HMG20B: variants seen among roughly 807,000 people sequenced by gnomAD.
HMG20B encodes the protein SWI/SNF-related matrix-associated actin-dependent regulator of chromatin subfamily E member 1-related.
In HMG20B, 24 loss-of-function variants were observed where a neutral mutation model predicts 41.6. The ratio of observed to expected loss-of-function variants is 0.58; its 90% CI spans 0.42 to 0.81. The LOEUF (loss-of-function observed/expected upper bound fraction) is 0.81. Among genes scored for constraint, HMG20B ranks in the 30% least tolerant of loss-of-function variants. HMG20B has a pLI of 0.00. For missense variants in HMG20B, 461 were observed against 444.0 expected (o/e 1.04, Z -0.34); for synonymous variants, 251 against 186.6 (o/e 1.34, Z -2.81).
At chr19:3,573,629 G>C in intron 2 of HMG20B, 63 bp from the exon 3 acceptor site, 1 of 1,388,628 alleles carries the variant, frequency 7.2e-7, no homozygotes, top group Non-Finnish European at 9.5e-7. Context: ...AACGCCCTGG[G>C]GTGGGCTTTT....
intron 8 of HMG20B, among the ~76,000 whole-genome samples, chr19:3,577,600 ACCTCCCCACGCCCCCGTCACCCATC>A (rs2032199137): frequency 1.1e-4 from 2 of 17,930 alleles, no homozygotes; most frequent in African/African-American, 2.3e-4. Flanking sequence ...CATTCACCCC[ACCTCCCCACGCCCCCGTCACCCATC>A]CCTCCCCACG....
intron 9 of HMG20B, 157 bp from the exon 10 acceptor site, chr19:3,578,352 G>T: frequency 8.2e-7 from 1 of 1,222,084 alleles, no homozygotes; most frequent in East Asian, 2.6e-5. Context: ...TCTCAGGGTG[G>T]ATCCCAGCGC....
chr19:3,577,691 GC>G (rs1251409480), intron 8 of HMG20B, among the ~76,000 whole-genome samples: 2 of 95,148 alleles, frequency 2.1e-5, no homozygotes, highest in Admixed American at 2.4e-4. Flanking sequence ...CGCGACCCCA[GC>G]CCCCCGGTGT....
At position 3,578,803 on chromosome 19, in the gene HMG20B, C is replaced by CG; in HGVS notation, c.*282_*283insG. 1 of 712,288 alleles carries CG rather than the reference C, an allele frequency of 1.4e-6. No individual in the cohort carries two copies. The highest frequency in any genetic ancestry group is 1.8e-5 in the Admixed American group (1 of 54,490). The allele number at this position is 712,288 out of a possible 1,614,324, so 44.1% of individuals were successfully genotyped here. ...AGGACAGCCACGCGCTACACTGGCT[C>CG]TCCGGGCCACCCCCAGGACACAGGG... On this transcript the variant is annotated 3_prime_UTR_variant, in exon 10 of 10. Coordinates refer to ENST00000333651, the MANE Select transcript of HMG20B (RefSeq NM_006339.3).
rs893831474 is a variant in HMG20B at position 3,579,028 on chromosome 19, T to G, written c.*507T>G. ...GAGGGACCCTGGTGGGGGTGGCTCC[T>G]TCTCACTGCTGGATCCGGACTTTTT... is the stretch of plus-strand genomic sequence containing the variant. On this transcript the variant is annotated 3_prime_UTR_variant, in exon 10 of 10. Transcript: ENST00000333651. This position sits in a 1 kb window ranked among gnomAD's most constrained non-coding sequence, Gnocchi z 7.4. 1.2e-5 allele frequency: 4 copies of G among 346,440 alleles called. No homozygotes were observed. The highest frequency in any genetic ancestry group is 2.3e-5 in the Non-Finnish European group (4 of 174,096). The allele number at this position is 346,440 out of a possible 1,614,324, so 21.5% of individuals were successfully genotyped here.
In HMG20B at chr19:3,577,074, C is replaced by T. The variant is rs2032179329; in HGVS notation, c.775C>T (p.Leu259Phe). The T allele has an allele frequency of 1.3e-6, 2 of 1,541,420 alleles. No homozygotes were observed. Among genetic ancestry groups the T allele is most frequent in the Admixed American group, 2.0e-5 (1 of 50,844 alleles). Residue 259 changes from leucine to phenylalanine, a missense_variant, in exon 8 of 10, where the codon CTC becomes TTC. By Grantham distance (22) the Leu-to-Phe change is conservative. This residue lies in a region of HMG20B where 308 missense variants were observed against 283.4 expected (regional missense o/e 1.09). Transcript: ENST00000333651. ...GCAGCTCCAGGCCGTGCGCCAGGCG[C>T]TCACCGCCAGCTTCGCCTCACTGCC... is the stretch of plus-strand genomic sequence containing the variant. ...QQQLQAVRQA[L>F]TASFASLPVP...
rs570953515 is a variant in HMG20B, at chr19:3,574,246, C to T, written c.148-137C>T. 5.3e-5 allele frequency: 42 copies of T among 788,724 alleles called. No individual in the cohort carries two copies. In the African/African-American group the frequency reaches 6.2e-4, roughly 12 times the overall value. The allele number at this position is 788,724 out of a possible 1,614,324, so 48.9% of individuals were successfully genotyped here. Reference sequence around the variant, plus strand: ...CCGACTGCTGACCGGGCCCTACCTCCATCTTTTCCGGGTTCTTCCTCCCAG... The same window carrying T: ...CCGACTGCTGACCGGGCCCTACCTCTATCTTTTCCGGGTTCTTCCTCCCAG... On this transcript the variant is annotated intron_variant, in intron 3 of 9. Transcript: ENST00000333651.
At position 3,578,578 on chromosome 19, in the gene HMG20B, C is replaced by T; in HGVS notation, c.*57C>T. On this transcript the variant is annotated 3_prime_UTR_variant, in exon 10 of 10. Coordinates refer to ENST00000333651, the MANE Select transcript of HMG20B (RefSeq NM_006339.3). ...GCTGTGGGCGCGGCCCTGCCACACC[C>T]CACCCCGTGGACGAGAGGCTGGGGG... The T allele has an allele frequency of 6.4e-7, 1 of 1,551,538 alleles. No homozygotes were observed. Among genetic ancestry groups the T allele is most frequent in the Non-Finnish European group, 8.7e-7 (1 of 1,147,448 alleles).
Position 3,573,746 on chromosome 19 carries a change from G to T in HMG20B, c.93G>T (p.Lys31Asn). Residue 31 changes from lysine to asparagine, a missense_variant, in exon 3 of 10, where the codon AAG becomes AAT. Coordinates refer to ENST00000333651, the MANE Select transcript of HMG20B (RefSeq NM_006339.3). ...ATGGGGGCTTCGTGGTGACTGTCAA[G>T]CAAGAGCGCGGCGAGGGTCCACGCG... ...GQHGGFVVTV[K>N]QERGEGPRAG... is the part of the protein sequence containing the mutation. 1 of 1,548,102 alleles carries T rather than the reference G, an allele frequency of 6.5e-7. No individual in the cohort carries two copies. Among genetic ancestry groups the T allele is most frequent in the Non-Finnish European group, 8.7e-7 (1 of 1,151,558 alleles).
At position 3,578,043 on chromosome 19, in the gene HMG20B, A is replaced by G. The variant is rs1359242531; in HGVS notation, c.871A>G (p.Ile291Val). The G allele has an allele frequency of 5.6e-6, 9 of 1,610,176 alleles. No individual in the cohort carries two copies. The highest frequency in any genetic ancestry group is 7.6e-6 in the Non-Finnish European group (9 of 1,179,134). Residue 291 changes from isoleucine (I) to valine (V), a missense_variant, in exon 9 of 10, where the codon ATC becomes GTC. Physicochemically the swap from Ile to Val is conservative, Grantham distance 29. Coordinates refer to ENST00000333651, the MANE Select transcript of HMG20B (RefSeq NM_006339.3). ...CTACATGGCCCGGCTTCACGGAGCC[A>G]TCGAGCGCGACCCCGCCCAGCACGA... ...DFYMARLHGAIERDPAQHEKL... is the reference protein window; with the variant it reads ...DFYMARLHGAVERDPAQHEKL...
chr19:3,578,256 GC>G, intron 9 of HMG20B, 143 bp downstream of exon 9: 2 of 1,251,384 alleles, frequency 1.6e-6, no homozygotes, highest in Non-Finnish European at 2.2e-6. Flanking sequence ...ACCTGCGGTC[GC>G]CCCTGATGCA....
intron 5 of HMG20B, chr19:3,576,058 G>A (rs2032154834): frequency 4.9e-6 from 3 of 606,554 alleles, no homozygotes; most frequent in Non-Finnish European, 8.8e-6. Flanking sequence ...CCTCCGTGGG[G>A]CACAGTCCCG....
chr19:3,573,359 G>T lies in HMG20B; in HGVS notation c.38+12G>T. On this transcript the variant is annotated intron_variant, in intron 2 of 9. Transcript: ENST00000333651. ...GGCGCGGCCGCCGCGTGAGTGCACT[G>T]ATCCCCTCCCCACGCCCTCGCTACT... The T allele has an allele frequency of 6.5e-7, 1 of 1,529,022 alleles. No homozygotes were observed. 94.7% of individuals were successfully genotyped at this position (1,529,022 alleles called of 1,614,324 possible).
Position 3,573,008 on chromosome 19 carries a change from C to T in HMG20B, c.-19+14C>T. The T allele has an allele frequency of 2.7e-6, 1 of 376,396 alleles. No homozygotes were observed. The allele number at this position is 376,396 out of a possible 1,614,324, so 23.3% of individuals were successfully genotyped here. A position where few individuals can be genotyped will look rare whatever the true frequency, so the allele number is the denominator to read the frequency against. On this transcript the variant is annotated intron_variant, in intron 1 of 9. Transcript: ENST00000333651. ...GTTTCTTTGGAGGTGAAAACAGCCG[C>T]GGAACTCCGGGCCCTGAGAGGGGGC...
Position 3,576,961 on chromosome 19 carries a change from A to T in HMG20B, c.662A>T (p.Gln221Leu). ...TTCGAGGAGCAGAACGCGGTACTGC[A>T]GAGGCACACGCAGAGCATGAGCAGC... ...VAFEEQNAVLQRHTQSMSSAR... is the reference protein window; with the variant it reads ...VAFEEQNAVLLRHTQSMSSAR... The change falls in exon 8 of 10, where the codon CAG becomes CTG. Residue 221 changes from glutamine (Q) to leucine (L), a missense_variant. Physicochemically the swap from Gln to Leu is moderately radical, Grantham distance 113. This residue lies in a region of HMG20B where 308 missense variants were observed against 283.4 expected (regional missense o/e 1.09). Coordinates refer to ENST00000333651, the MANE Select transcript of HMG20B (RefSeq NM_006339.3). 1 of 1,580,970 alleles carries T rather than the reference A, an allele frequency of 6.3e-7. No homozygotes were observed. The highest frequency in any genetic ancestry group is 8.6e-7 in the Non-Finnish European group (1 of 1,165,000).
rs2032094979 is a variant in HMG20B, at chr19:3,573,811, C to T, written c.147+11C>T. The T allele has an allele frequency of 1.9e-6, 3 of 1,590,598 alleles. No individual in the cohort carries two copies. In the Admixed American group the frequency reaches 5.3e-5, roughly 28 times the overall value. ...TCCCACGAGGAGGAGGTGAGAGTCC[C>T]TGCGCTGAGCTGGGGGAGGCCCCGG... On this transcript the variant is annotated intron_variant, in intron 3 of 9. Transcript: ENST00000333651.
rs374128997 is a variant in HMG20B at position 3,578,691 on chromosome 19, A to C, written c.*170A>C. On this transcript the variant is annotated 3_prime_UTR_variant, in exon 10 of 10. Transcript: ENST00000333651. Reference sequence around the variant, plus strand: ...TTTCTGCAGCATCCCTTTAGCTTTCAATCTCCCCAGCCCCCTGAACCCGGA... The same window carrying C: ...TTTCTGCAGCATCCCTTTAGCTTTCCATCTCCCCAGCCCCCTGAACCCGGA... 6.9e-5 allele frequency: 62 copies of C among 893,508 alleles called. No individual in the cohort carries two copies. In the African/African-American group the frequency reaches 8.1e-4, roughly 12 times the overall value. The allele number at this position is 893,508 out of a possible 1,614,324, so 55.3% of individuals were successfully genotyped here.
At chr19:3,577,881 C>A in intron 8 of HMG20B, 100 bp from the exon 9 acceptor site, 1 of 1,119,082 alleles carries the variant, frequency 8.9e-7, no homozygotes, top group Non-Finnish European at 1.2e-6. Context: ...CCTCTGAGCG[C>A]CCGCGCGACC....
At chr19:3,573,569 G>A (rs745853558) in intron 2 of HMG20B, 123 bp from the exon 3 acceptor site, 6 of 972,560 alleles carry the variant, frequency 6.2e-6, no homozygotes, top group African/African-American at 1.7e-5. Flanking sequence ...ATCAGACCCT[G>A]CCTCCTCGGG....
Sources: gnomAD v4.1 joint callset for allele counts (sites outside exome capture counted in the v4.1 genomes callset) on GRCh38, gnomAD v4.1.1 for gene constraint, gnomAD v4.1.1 regional missense constraint, Gnocchi (gnomAD v3.1) non-coding constraint, MANE v1.5 for transcripts, NCBI Gene and HGNC (gene_info 2026-07-23, HGNC 2026-07-21) for gene names.